WNT11: variants seen among roughly 807,000 people sequenced by gnomAD.
The protein encoded by WNT11 is Wnt family member 11, also known as protein Wnt-11.
Under a neutral mutation model 35.6 loss-of-function variants are expected in WNT11, and 20 were observed. The observed-to-expected ratio is 0.56, with a 90% CI of 0.40 to 0.82. The LOEUF (loss-of-function observed/expected upper bound fraction) is 0.82. WNT11 is among the 40% of genes least tolerant of loss of function. The probability of loss-of-function intolerance (pLI) is 0.00; values close to 1 mark genes in which losing one functional copy is unlikely to be tolerated. For synonymous variants in WNT11, 200 were observed against 211.9 expected (o/e 0.94, Z 0.49); for missense variants, 459 against 504.4 (o/e 0.91, Z 0.86).
At position 76,206,432 on chromosome 11, in the gene WNT11, G is replaced by T. The variant is rs755687846; in HGVS notation, c.-25C>A. 3.4e-6 allele frequency: 5 copies of T among 1,478,046 alleles called. No individual in the cohort carries two copies. The highest frequency in any genetic ancestry group is 2.1e-4 in the Middle Eastern group (1 of 4,688). The allele number at this position is 1,478,046 out of a possible 1,614,324, so 91.6% of individuals were successfully genotyped here. A position where few individuals can be genotyped will look rare whatever the true frequency, so the allele number is the denominator to read the frequency against. ...TCGTCGCGCGGCGGGCGCGCCCGGG[G>T]TCACACCCAGGAGGAGCCGCGCCGA... is the stretch of plus-strand genomic sequence containing the variant. On this transcript the variant is annotated 5_prime_UTR_variant, in exon 1 of 5. Coordinates refer to ENST00000322563, the MANE Select transcript of WNT11 (RefSeq NM_004626.3).
rs1591311749 is a variant in WNT11, at chr11:76,203,316, T to C, written c.83+3009A>G. On this transcript the variant is annotated intron_variant, in intron 1 of 4. Coordinates refer to ENST00000322563, the MANE Select transcript of WNT11 (RefSeq NM_004626.3). ...TCCCAGTCTGGCGCTCCTTCCACCC[T>C]ACTCTGCAGCGCCATGGCCCTCTAG... Among the ~76,000 whole-genome samples, 5 of 152,304 alleles carry C rather than the reference T, an allele frequency of 3.3e-5. No individual in the cohort carries two copies. The South Asian group carries it at 1.0e-3, about 32-fold the overall frequency.
At chr11:76,204,295 T>A (rs1953434161) in intron 1 of WNT11, among the ~76,000 whole-genome samples, 1 of 152,202 alleles carries the variant, frequency 6.6e-6, no homozygotes, top group African/African-American at 2.4e-5. Flanking sequence ...AGACTATCAG[T>A]TTCTCATAGG....
chr11:76,190,584 G>C (rs1302062772), intron 4 of WNT11: 1 of 152,154 alleles, frequency 6.6e-6, no homozygotes, highest in Non-Finnish European at 1.5e-5. Context: ...CTATGTGCCA[G>C]ACACGTTCCC....
At chr11:76,195,944 A>G (rs1180648368) in intron 2 of WNT11, among the ~76,000 whole-genome samples, 5 of 152,264 alleles carry the variant, frequency 3.3e-5, no homozygotes, top group East Asian at 1.9e-4. Flanking sequence ...AAGCCTCCCT[A>G]TTGTACATGG....
rs753654512 is a variant in WNT11, at chr11:76,186,383, C to G, written c.*682G>C. Reference sequence around the variant, plus strand: ...CCCAGGGTCTGCCGAGTTCACTTGACGAGGCCGGGAACTGCAGGGGCGGGC... The same window carrying G: ...CCCAGGGTCTGCCGAGTTCACTTGAGGAGGCCGGGAACTGCAGGGGCGGGC... On this transcript the variant is annotated 3_prime_UTR_variant, in exon 5 of 5. Transcript: ENST00000322563. The G allele has an allele frequency of 2.0e-5, 3 of 151,976 alleles. No homozygotes were observed. Among genetic ancestry groups the G allele is most frequent in the Non-Finnish European group, 4.4e-5 (3 of 68,022 alleles). The allele number at this position is 151,976 out of a possible 1,614,324, so 9.4% of individuals were successfully genotyped here. A position where few individuals can be genotyped will look rare whatever the true frequency, so the allele number is the denominator to read the frequency against.
At chr11:76,203,954 C>A (rs909239226) in intron 1 of WNT11, among the ~76,000 whole-genome samples, 3 of 152,238 alleles carry the variant, frequency 2.0e-5, no homozygotes, top group Non-Finnish European at 4.4e-5. Flanking sequence ...AGCTGTGACA[C>A]CCTGCTAGGT....
intron 3 of WNT11, among the ~76,000 whole-genome samples, chr11:76,192,789 G>A (rs1028878030): frequency 6.6e-5 from 10 of 152,122 alleles, no homozygotes; most frequent in South Asian, 2.1e-4. Flanking sequence ...TGCCTTCTAC[G>A]GGCCTTCCAG....
intron 1 of WNT11, among the ~76,000 whole-genome samples, chr11:76,203,446 C>T (rs1953418100): frequency 6.6e-6 from 1 of 152,218 alleles, no homozygotes; most frequent in Admixed American, 6.5e-5. Context: ...TCCTCTCACC[C>T]CACCGCTTCC....
chr11:76,202,698 G>T (rs1044888083), intron 1 of WNT11, among the ~76,000 whole-genome samples: 2 of 152,188 alleles, frequency 1.3e-5, no homozygotes, highest in Admixed American at 6.5e-5. Flanking sequence ...AGCCATCCCA[G>T]CTTGGGGCTG....
intron 4 of WNT11, 59 bp from the exon 5 acceptor site, chr11:76,187,298 C>CT: frequency 6.6e-7 from 1 of 1,518,534 alleles, no homozygotes; most frequent in Non-Finnish European, 8.8e-7. Flanking sequence ...CACCAACACC[C>CT]CATGACTCCC....
upstream of WNT11, among the ~76,000 whole-genome samples, chr11:76,207,839 A>G (rs1249781405): frequency 6.6e-6 from 1 of 151,358 alleles, no homozygotes; most frequent in East Asian, 2.0e-4. Flanking sequence ...TTTCTCCTTC[A>G]CTTCATTCTC....
intron 1 of WNT11, among the ~76,000 whole-genome samples, chr11:76,198,618 A>G (rs1591308233): frequency 6.6e-6 from 1 of 151,998 alleles, no homozygotes; most frequent in East Asian, 1.9e-4. Context: ...CTAAGCACCA[A>G]CTCTTCCCAG....
intron 2 of WNT11, chr11:76,195,051 C>T: frequency 1.7e-6 from 1 of 601,754 alleles, no homozygotes; most frequent in East Asian, 2.8e-5. Context: ...CCCACACCCA[C>T]AGGCATGCCC....
At chr11:76,201,038 G>A (rs1953366307) in intron 1 of WNT11, among the ~76,000 whole-genome samples, 1 of 152,204 alleles carries the variant, frequency 6.6e-6, no homozygotes, top group Admixed American at 6.5e-5. Flanking sequence ...GGTGCTCCTG[G>A]TGCCTGGGTC....
In WNT11 at chr11:76,186,676, G is replaced by A; in HGVS notation, c.*389C>T. The A allele has an allele frequency of 2.8e-6, 1 of 357,788 alleles. No homozygotes were observed. The highest frequency in any genetic ancestry group is 5.5e-6 in the Non-Finnish European group (1 of 180,470). The allele number at this position is 357,788 out of a possible 1,614,324, so 22.2% of individuals were successfully genotyped here. On this transcript the variant is annotated 3_prime_UTR_variant, in exon 5 of 5. Transcript: ENST00000322563. The stretch of plus-strand genomic sequence containing the variant: ...CCCAGCAGGCTCAGACCCCAGGGTG[G>A]GCCAGGGGGTCCCGCAGAACATTCT...
At position 76,194,873 on chromosome 11, in the gene WNT11, C is replaced by T. The variant is rs372405381; in HGVS notation, c.320-29G>A. The T allele has an allele frequency of 7.5e-5, 110 of 1,472,822 alleles. No individual in the cohort carries two copies. Among genetic ancestry groups the T allele is most frequent in the South Asian group, 3.6e-4 (26 of 72,508 alleles). The allele number at this position is 1,472,822 out of a possible 1,614,324, so 91.2% of individuals were successfully genotyped here. A position where few individuals can be genotyped will look rare whatever the true frequency, so the allele number is the denominator to read the frequency against. ...AGGGTGGGAGGGGAAGGTCAGCCGA[C>T]GCTGATCCAGGGCTAGGACCCTGCC... On this transcript the variant is annotated intron_variant, in intron 2 of 4. Transcript: ENST00000322563. This position sits in a 1 kb window ranked among gnomAD's most constrained non-coding sequence, Gnocchi z 5.4.
At chr11:76,204,278 T>TA (rs2086537147) in intron 1 of WNT11, among the ~76,000 whole-genome samples, 1 of 152,198 alleles carries the variant, frequency 6.6e-6, no homozygotes, top group Non-Finnish European at 1.5e-5. Context: ...TTTAATCCCC[T>TA]ATTGCTAGAC....
At chr11:76,195,902 A>C (rs1367060614) in intron 2 of WNT11, among the ~76,000 whole-genome samples, 3 of 152,150 alleles carry the variant, frequency 2.0e-5, no homozygotes, top group African/African-American at 4.8e-5. Flanking sequence ...CAGGGGAGAG[A>C]TTACACCTAC....
chr11:76,209,265 G>A (rs1261282348), upstream of WNT11, among the ~76,000 whole-genome samples: 1 of 152,152 alleles, frequency 6.6e-6, no homozygotes, highest in African/African-American at 2.4e-5. Context: ...GGCCCGGGAG[G>A]CGGCCGCCTG....
Sources: allele counts gnomAD v4.1 joint callset (sites outside exome capture counted in the v4.1 genomes callset), GRCh38; gene constraint gnomAD v4.1.1; non-coding constraint Gnocchi (gnomAD v3.1); transcripts MANE v1.5; gene names NCBI Gene and HGNC (gene_info 2026-07-23, HGNC 2026-07-21).